BNC2: variants seen among roughly 807,000 people sequenced by gnomAD.
BNC2 encodes the protein zinc finger protein basonuclin-2.
BNC2 carries 20 observed loss-of-function variants against 76.3 expected under a neutral mutation model. That is an observed-to-expected ratio of 0.26 (90% confidence interval 0.18 to 0.38). The LOEUF is 0.38. BNC2 is among the 10% of genes least tolerant of loss of function. BNC2 has a pLI of 1.00. For synonymous variants in BNC2, 582 were observed against 514.8 expected (o/e 1.13, Z -1.77); for missense variants, 1,382 against 1,399.8 (o/e 0.99, Z 0.20).
intron 1 of BNC2, among the ~76,000 whole-genome samples, chr9:16,811,894 C>G (rs894528725): frequency 6.6e-6 from 1 of 152,188 alleles, no homozygotes; most frequent in Non-Finnish European, 1.5e-5. Context: ...AGGTCTCAAA[C>G]AGAAATCTAC....
At chr9:16,703,007 A>ATATT (rs1200936589) in intron 3 of BNC2, among the ~76,000 whole-genome samples, 2 of 152,188 alleles carry the variant, frequency 1.3e-5, no homozygotes, top group African/African-American at 2.4e-5. Flanking sequence ...ACAAGTGATG[A>ATATT]TATTTTTTAA....
intron 3 of BNC2, among the ~76,000 whole-genome samples, chr9:16,649,852 C>T (rs937175836): frequency 4.7e-4 from 71 of 152,158 alleles, no homozygotes; most frequent in African/African-American, 1.4e-3. Flanking sequence ...AGATCATTCG[C>T]TCAGTAGTAA....
At chr9:16,798,218 C>T (rs1312756765) in intron 1 of BNC2, among the ~76,000 whole-genome samples, 1 of 152,168 alleles carries the variant, frequency 6.6e-6, no homozygotes, top group African/African-American at 2.4e-5. Flanking sequence ...CGAATAGGCA[C>T]AGCCTCTCAC....
At chr9:16,806,911 C>T (rs1447851017) in intron 1 of BNC2, among the ~76,000 whole-genome samples, 2 of 152,152 alleles carry the variant, frequency 1.3e-5, no homozygotes, top group African/African-American at 4.8e-5. Flanking sequence ...AGAAAGAGAC[C>T]ATCCAGAATC....
intron 1 of BNC2, among the ~76,000 whole-genome samples, chr9:16,774,731 G>A (rs576970309): frequency 1.3e-5 from 2 of 152,284 alleles, no homozygotes; most frequent in South Asian, 4.1e-4. Flanking sequence ...AGAGAGATCT[G>A]GTAGCAGTCG....
At chr9:16,810,088 G>C (rs1818006956) in intron 1 of BNC2, among the ~76,000 whole-genome samples, 1 of 152,122 alleles carries the variant, frequency 6.6e-6, no homozygotes, top group Non-Finnish European at 1.5e-5. Context: ...ATTAATGACA[G>C]TACTTAAAAA....
chr9:16,486,401 T>A (rs1408109311), intron 5 of BNC2, among the ~76,000 whole-genome samples: 1 of 152,154 alleles, frequency 6.6e-6, no homozygotes, highest in Non-Finnish European at 1.5e-5. Flanking sequence ...AATGTTTAGG[T>A]TGGGGCAGGA....
intron 5 of BNC2, among the ~76,000 whole-genome samples, chr9:16,508,821 C>CTTTTTTTTTTTTTTTTT (rs386414529): frequency 1.4e-5 from 2 of 143,418 alleles, no homozygotes; most frequent in Non-Finnish European, 3.0e-5. Context: ...TTTTGCACAT[C>CTTTTTTTTTTTTTTTTT]TTTTTTTTTT....
At chr9:16,796,942 A>T (rs949183880) in intron 1 of BNC2, among the ~76,000 whole-genome samples, 1 of 152,194 alleles carries the variant, frequency 6.6e-6, no homozygotes, top group African/African-American at 2.4e-5. Flanking sequence ...TCAGTCTGTT[A>T]GCAAAAGTGG....
chr9:16,568,409 G>C (rs1447688267), intron 4 of BNC2, among the ~76,000 whole-genome samples: 1 of 152,042 alleles, frequency 6.6e-6, no homozygotes, highest in Non-Finnish European at 1.5e-5. Flanking sequence ...GAATTTATGA[G>C]GGTGGTGGCT....
chr9:16,766,070 A>G (rs912751746), intron 1 of BNC2, among the ~76,000 whole-genome samples: 1 of 152,154 alleles, frequency 6.6e-6, no homozygotes, highest in African/African-American at 2.4e-5. Flanking sequence ...TACAGGCGTG[A>G]GCCACCGCGC....
rs1180035312 is a variant in BNC2 at position 16,435,561 on chromosome 9, C to T, written c.2633G>A (p.Arg878Gln). The T allele has an allele frequency of 2.5e-6, 4 of 1,613,750 alleles. No individual in the cohort carries two copies. Among genetic ancestry groups the T allele is most frequent in the East Asian group, 2.2e-5 (1 of 44,872 alleles). ...CNAAFPSRRS[R>Q]DRHSANINLH... Reference sequence around the variant, plus strand: ...CCAATGGAGATTTACTGACCTGTCTCGGCTTCGGCGAGAGGGGAATGCAGC... The same window carrying T: ...CCAATGGAGATTTACTGACCTGTCTTGGCTTCGGCGAGAGGGGAATGCAGC... The change falls in exon 6 of 7, where the codon CGA becomes CAA. Residue 878 changes from arginine (R) to glutamine (Q), a missense_variant. This residue lies in a region of BNC2 where 798 missense variants were observed against 775.5 expected (regional missense o/e 1.03). Coordinates refer to ENST00000380672, the MANE Select transcript of BNC2 (RefSeq NM_017637.6).
At chr9:16,513,656 G>C (rs1373617941) in intron 5 of BNC2, among the ~76,000 whole-genome samples, 1 of 152,124 alleles carries the variant, frequency 6.6e-6, no homozygotes, top group African/African-American at 2.4e-5. Flanking sequence ...AACACAGAGG[G>C]GTACAGGACC....
rs192352037 is a variant in BNC2 at position 16,671,252 on chromosome 9, C to T, written c.330+56545G>A. 2.0e-5 allele frequency among the ~76,000 whole-genome samples: 3 copies of T among 152,172 alleles called. No homozygotes were observed. In the East Asian group the frequency reaches 5.8e-4, roughly 29 times the overall value. ...GTTTACATAAGGGCCCACATCACAT[C>T]GGCTCCTCCTAAAAGACATCCTAAA... On this transcript the variant is annotated intron_variant, in intron 3 of 6. Transcript: ENST00000380672.
At chr9:16,659,435 C>G (rs1040888150) in intron 3 of BNC2, among the ~76,000 whole-genome samples, 1 of 151,922 alleles carries the variant, frequency 6.6e-6, no homozygotes, top group Non-Finnish European at 1.5e-5. Flanking sequence ...TGGTGAAACC[C>G]CATCTCTACT....
intron 5 of BNC2, among the ~76,000 whole-genome samples, chr9:16,480,296 A>G (rs1352357822): frequency 6.6e-6 from 1 of 152,214 alleles, no homozygotes; most frequent in Non-Finnish European, 1.5e-5. Context: ...GCCTGATGAA[A>G]ACCCAATCTG....
chr9:16,525,570 G>C (rs1422495447), intron 5 of BNC2, among the ~76,000 whole-genome samples: 2 of 152,108 alleles, frequency 1.3e-5, no homozygotes, highest in East Asian at 1.9e-4. Flanking sequence ...TCAACAACCA[G>C]AATACCAAAG....
intron 1 of BNC2, among the ~76,000 whole-genome samples, chr9:16,803,476 A>C (rs1817831504): frequency 6.6e-6 from 1 of 152,236 alleles, no homozygotes; most frequent in Non-Finnish European, 1.5e-5. Flanking sequence ...AGTTAACATG[A>C]GACATTGTGA....
chr9:16,504,360 TCC>T (rs1316013138), intron 5 of BNC2, among the ~76,000 whole-genome samples: 4 of 133,104 alleles, frequency 3.0e-5, no homozygotes, highest in African/African-American at 7.3e-5. Flanking sequence ...AGAATCCAAG[TCC>T]ACATATTCTG....
Sources: gnomAD v4.1 joint callset for allele counts (sites outside exome capture counted in the v4.1 genomes callset) on GRCh38, gnomAD v4.1.1 for gene constraint, gnomAD v4.1.1 regional missense constraint, MANE v1.5 for transcripts, NCBI Gene and HGNC (gene_info 2026-07-23, HGNC 2026-07-21) for gene names.